Variants in ARMH3 observed in about 807,000 individuals in gnomAD.
The protein encoded by ARMH3 is armadillo like helical domain containing 3.
In ARMH3, 60 loss-of-function variants were observed where a neutral mutation model predicts 99.1. That is an observed-to-expected ratio of 0.61 (90% CI 0.49 to 0.75). The LOEUF is 0.75. Ranked by LOEUF, ARMH3 falls within the 30% of genes least tolerant of loss-of-function variation. The pLI is 0.00. For synonymous variants in ARMH3, 285 were observed against 292.8 expected, an observed-to-expected ratio of 0.97 and a Z score of 0.27; for missense variants, 679 against 843.1, an observed-to-expected ratio of 0.81 and a Z score of 2.41.
intron 23 of ARMH3, among the ~76,000 whole-genome samples, chr10:101,921,264 ACT>A (rs1171437914): frequency 6.6e-6 from 1 of 152,184 alleles, no homozygotes; most frequent in Non-Finnish European, 1.5e-5. Flanking sequence ...ACACTATATG[ACT>A]CTGTTCATAT....
chr10:101,945,507 C>T (rs1844475003), intron 22 of ARMH3, among the ~76,000 whole-genome samples: 2 of 152,132 alleles, frequency 1.3e-5, no homozygotes, highest in Non-Finnish European at 2.9e-5. Context: ...CACCTAAGGT[C>T]AGGAGTTCGA....
In ARMH3 at chr10:101,992,713, T is replaced by C. The variant is rs187601134; in HGVS notation, c.1276-675A>G. Among the ~76,000 whole-genome samples the C allele has an allele frequency of 2.2e-3, 330 of 152,048 alleles. 1 individual carries two copies. Among genetic ancestry groups the C allele is most frequent in the African/African-American group, 7.3e-3 (305 of 41,498 alleles). On this transcript the variant is annotated intron_variant, in intron 17 of 25. Transcript: ENST00000370033. Reference sequence around the variant, plus strand: ...GGTTTCATCCTGTTAGCCAGGGTGGTCTCAATCTCCTGACCTTGTGATCCC... The same window carrying C: ...GGTTTCATCCTGTTAGCCAGGGTGGCCTCAATCTCCTGACCTTGTGATCCC...
At chr10:101,848,290 G>C (rs2066506899) in intron 25 of ARMH3, among the ~76,000 whole-genome samples, 1 of 152,082 alleles carries the variant, frequency 6.6e-6, no homozygotes, top group African/African-American at 2.4e-5. Context: ...CTTGCTGTGT[G>C]CCCACTGCTC....
intron 13 of ARMH3, among the ~76,000 whole-genome samples, chr10:102,007,571 G>C (rs1476209215): frequency 6.8e-6 from 1 of 147,568 alleles, no homozygotes; most frequent in African/African-American, 2.5e-5. Flanking sequence ...AGTAATCCCA[G>C]CACTTTTGGG....
Position 101,989,470 on chromosome 10 carries a change from C to T in ARMH3, c.1406+1081G>A, listed in dbSNP as rs1846666475. Among the ~76,000 whole-genome samples, 3 of 152,120 alleles carry T rather than the reference C, an allele frequency of 2.0e-5. No individual in the cohort carries two copies. In the South Asian group the frequency reaches 6.2e-4, roughly 32 times the overall value. ...GTGTGGTGGCTCATGCCTGTAGTCC[C>T]AGCACACTGGGAGGCTGAAGTGGGC... On this transcript the variant is annotated intron_variant, in intron 19 of 25. Coordinates refer to ENST00000370033, the MANE Select transcript of ARMH3 (RefSeq NM_024541.3).
At position 101,996,911 on chromosome 10, in the gene ARMH3, T is replaced by C. The variant is rs535051984; in HGVS notation, c.1151-1556A>G. ...AGGTTGAGCAGAAGCTTCTTTAAGGTGACACCACCAAAGTCAGAAAAATCC... is the reference window on the plus strand; with the variant it reads ...AGGTTGAGCAGAAGCTTCTTTAAGGCGACACCACCAAAGTCAGAAAAATCC... On this transcript the variant is annotated intron_variant, in intron 15 of 25. Coordinates refer to ENST00000370033, the MANE Select transcript of ARMH3 (RefSeq NM_024541.3). Among the ~76,000 whole-genome samples the C allele has an allele frequency of 2.0e-5, 3 of 152,188 alleles. No individual in the cohort carries two copies. The East Asian group carries it at 5.8e-4, about 29-fold the overall frequency.
At chr10:101,867,789 G>A (rs1564702674) in intron 24 of ARMH3, among the ~76,000 whole-genome samples, 1 of 151,734 alleles carries the variant, frequency 6.6e-6, no homozygotes, top group African/African-American at 2.4e-5. Context: ...CAGTGATCAC[G>A]TGAATGCGCC....
intron 23 of ARMH3, among the ~76,000 whole-genome samples, chr10:101,891,684 T>TA (rs1190504229): frequency 2.6e-5 from 4 of 152,240 alleles, no homozygotes; most frequent in African/African-American, 9.6e-5. Context: ...GCCAGTTACT[T>TA]AGTGTTGATA....
At chr10:101,860,261 T>C (rs896778403) in intron 24 of ARMH3, among the ~76,000 whole-genome samples, 6 of 151,838 alleles carry the variant, frequency 4.0e-5, no homozygotes, top group African/African-American at 7.3e-5. Flanking sequence ...TAGATATAGA[T>C]ATATAGATAT....
At chr10:102,053,238 A>G (rs932850231) in intron 1 of ARMH3, among the ~76,000 whole-genome samples, 75 of 150,184 alleles carry the variant, frequency 5.0e-4, no homozygotes, top group Admixed American at 1.1e-3. Context: ...AAAAAAAAAA[A>G]AGAGAAAAAA....
At chr10:101,863,081 T>G (rs1350981745) in intron 24 of ARMH3, among the ~76,000 whole-genome samples, 1 of 152,168 alleles carries the variant, frequency 6.6e-6, no homozygotes, top group Non-Finnish European at 1.5e-5. Flanking sequence ...CGCATGCCTG[T>G]AATCCCAGCT....
chr10:101,881,420 GTT>G (rs1303814822), intron 24 of ARMH3, among the ~76,000 whole-genome samples: 7 of 152,094 alleles, frequency 4.6e-5, no homozygotes, highest in Admixed American at 2.0e-4. Flanking sequence ...GCAGCTGAGG[GTT>G]GGGGGGAAGT....
intron 23 of ARMH3, among the ~76,000 whole-genome samples, chr10:101,937,280 G>A (rs1023588302): frequency 5.9e-5 from 9 of 152,160 alleles, no homozygotes; most frequent in African/African-American, 1.9e-4. Context: ...CACTTTGGGA[G>A]GCCAAGGCAG....
chr10:102,048,803 A>T (rs920835399), intron 1 of ARMH3, among the ~76,000 whole-genome samples: 17 of 152,116 alleles, frequency 1.1e-4, no homozygotes, highest in African/African-American at 4.1e-4. Flanking sequence ...GATCTCCTAA[A>T]AATTCCCTAG....
chr10:101,853,218 T>A (rs66695567), intron 24 of ARMH3, among the ~76,000 whole-genome samples: 24,083 of 152,050 alleles, frequency 0.16, 2,518 homozygotes, highest in East Asian at 0.49. Context: ...GTGGGCTTAC[T>A]TCCTTTCTTC....
intron 24 of ARMH3, among the ~76,000 whole-genome samples, chr10:101,863,106 G>A (rs1337381019): frequency 6.6e-6 from 1 of 152,224 alleles, no homozygotes; most frequent in Non-Finnish European, 1.5e-5. Flanking sequence ...GGGAGGCTGA[G>A]GCAGGAGAAT....
chr10:101,865,629 C>T (rs1284730423), intron 24 of ARMH3, among the ~76,000 whole-genome samples: 1 of 152,046 alleles, frequency 6.6e-6, no homozygotes, highest in African/African-American at 2.4e-5. Context: ...GCTGGGATTA[C>T]AGGCATGAAC....
At chr10:101,964,121 C>T (rs1319126427) in intron 20 of ARMH3, among the ~76,000 whole-genome samples, 1 of 152,072 alleles carries the variant, frequency 6.6e-6, no homozygotes. Context: ...CGTGATCCGC[C>T]CACTTCGGCC....
chr10:101,950,698 A>G (rs895759571), intron 22 of ARMH3, among the ~76,000 whole-genome samples: 1 of 152,262 alleles, frequency 6.6e-6, no homozygotes, highest in African/African-American at 2.4e-5. Flanking sequence ...AGCCAGTCAC[A>G]AGAGACCACA....
Sources: gnomAD v4.1 joint callset for allele counts (sites outside exome capture counted in the v4.1 genomes callset) on GRCh38, gnomAD v4.1.1 for gene constraint, MANE v1.5 for transcripts, NCBI Gene and HGNC (gene_info 2026-07-23, HGNC 2026-07-21) for gene names.